MICAL3: variants seen among roughly 807,000 people sequenced by gnomAD.
MICAL3 encodes [F-actin]-monooxygenase MICAL3.
MICAL3 carries 62 observed loss-of-function variants against 207.4 expected under a neutral mutation model. The observed-to-expected ratio is 0.30, with a 90% CI of 0.24 to 0.37. The LOEUF is 0.37. Ranked by LOEUF, MICAL3 falls within the 10% of genes least tolerant of loss-of-function variation. The pLI, the probability that MICAL3 is intolerant of heterozygous loss-of-function variation, is 1.00. For missense variants in MICAL3, 2,368 were observed against 2,635.6 expected (o/e 0.90, Z 2.22); for synonymous variants, 1,077 against 1,069.3 (o/e 1.01, Z -0.14).
chr22:17,790,697 G>A lies in MICAL3; in HGVS notation c.*35C>T, dbSNP rs62238879. 0.22 allele frequency: 338,646 copies of A among 1,549,928 alleles called. 40,537 individuals carry two copies. The highest frequency in any genetic ancestry group is 0.25 in the Non-Finnish European group (286,537 of 1,144,230). ...TTTGGATGCCACTGCCTGGCCAGGC[G>A]GATGCCAACAGAAAATGGAGCGTTG... On this transcript the variant is annotated 3_prime_UTR_variant, in exon 32 of 32. Coordinates refer to ENST00000441493, the MANE Select transcript of MICAL3 (RefSeq NM_015241.3).
intron 1 of MICAL3, among the ~76,000 whole-genome samples, chr22:17,953,480 G>C (rs991279644): frequency 6.6e-6 from 1 of 152,088 alleles, no homozygotes; most frequent in Non-Finnish European, 1.5e-5. Context: ...TAAGGCCTGG[G>C]GGAATGTCCA....
chr22:17,842,250 T>C (rs1924093813), intron 19 of MICAL3: 1 of 567,228 alleles, frequency 1.8e-6, no homozygotes. Context: ...GAGCGTTCTC[T>C]CTCCTTCATC....
Position 17,902,806 on chromosome 22 carries a change from T to A in MICAL3, c.473-59A>T. ...ACATGGAGAAGGGGGTACCCATCCG[T>A]GTCGCAGCTCAGGCTCCCACCCCGC... On this transcript the variant is annotated intron_variant, in intron 3 of 31. Coordinates refer to ENST00000441493, the MANE Select transcript of MICAL3 (RefSeq NM_015241.3). The surrounding 1 kb of genome is among the most constrained non-coding windows in gnomAD (Gnocchi z 4.5). 1 of 1,098,328 alleles carries A rather than the reference T, an allele frequency of 9.1e-7. No homozygotes were observed. The highest frequency in any genetic ancestry group is 1.4e-5 in the South Asian group (1 of 71,852). 68.0% of individuals were successfully genotyped at this position (1,098,328 alleles called of 1,614,324 possible). A position where few individuals can be genotyped will look rare whatever the true frequency, so the allele number is the denominator to read the frequency against.
intron 23 of MICAL3, 29 bp downstream of exon 23, chr22:17,822,918 C>T (rs77681600): frequency 6.8e-7 from 1 of 1,475,566 alleles, no homozygotes; most frequent in Non-Finnish European, 9.5e-7. Context: ...TGAGCTCCCA[C>T]CACAGGGGCG....
chr22:17,824,642 G>A (rs527456749), intron 22 of MICAL3, among the ~76,000 whole-genome samples: 4 of 152,312 alleles, frequency 2.6e-5, no homozygotes, highest in African/African-American at 9.6e-5. Flanking sequence ...AGAGATAGGC[G>A]GGTTCCCAGA....
intron 18 of MICAL3, among the ~76,000 whole-genome samples, chr22:17,865,269 G>C (rs1289540423): frequency 6.6e-6 from 1 of 152,074 alleles, no homozygotes; most frequent in African/African-American, 2.4e-5. Context: ...GATCCACCTA[G>C]GTGCACCTCT....
At chr22:17,816,632 C>T (rs1921024333) in intron 27 of MICAL3, 58 bp downstream of exon 27, 1 of 1,369,980 alleles carries the variant, frequency 7.3e-7, no homozygotes. Flanking sequence ...CCCACCAAAG[C>T]CCAACAATGA....
chr22:17,863,920 G>A, intron 19 of MICAL3: 1 of 985,454 alleles, frequency 1.0e-6, no homozygotes, highest in Non-Finnish European at 1.2e-6. Context: ...ATAGCTGCTT[G>A]AGATACATGT....
chr22:17,795,007 G>A (rs780582830), intron 29 of MICAL3, among the ~76,000 whole-genome samples: 1 of 152,194 alleles, frequency 6.6e-6, no homozygotes, highest in African/African-American at 2.4e-5. Context: ...ACAAAGAGCT[G>A]GCTGAGAGGC....
At chr22:17,960,225 T>G (rs1166549623) in intron 1 of MICAL3, among the ~76,000 whole-genome samples, 1 of 152,206 alleles carries the variant, frequency 6.6e-6, no homozygotes, top group African/African-American at 2.4e-5. Context: ...CTCACTACAC[T>G]GTTGCTACGG....
intron 27 of MICAL3, chr22:17,815,701 G>C (rs1920974046): frequency 6.6e-6 from 1 of 152,408 alleles, no homozygotes; most frequent in African/African-American, 2.4e-5. Context: ...CTAGGAGAGG[G>C]GCCAAAGAGC....
At chr22:17,859,120 A>G (rs1257456024) in intron 19 of MICAL3, among the ~76,000 whole-genome samples, 1 of 152,132 alleles carries the variant, frequency 6.6e-6, no homozygotes, top group Non-Finnish European at 1.5e-5. Context: ...TCTCAGAACC[A>G]TCGAGGCTCT....
intron 19 of MICAL3, chr22:17,864,543 C>T (rs1181903151): frequency 6.9e-7 from 1 of 1,441,514 alleles, no homozygotes; most frequent in Non-Finnish European, 9.1e-7. Flanking sequence ...GTCTGAGCGC[C>T]TGCGAGCTCC....
At chr22:17,904,560 G>A (rs1236446304) in intron 3 of MICAL3, 72 bp downstream of exon 3, 10 of 1,143,654 alleles carry the variant, frequency 8.7e-6, no homozygotes, top group Non-Finnish European at 1.3e-5. Context: ...CAGCTAATCT[G>A]CCTGTCTCTT....
intron 1 of MICAL3, among the ~76,000 whole-genome samples, chr22:17,911,024 G>A (rs938299865): frequency 1.1e-5 from 1 of 94,396 alleles, no homozygotes. Context: ...TGGGGGCTGG[G>A]GGAGGAAGAG....
At chr22:18,008,240 A>C (rs1392488324) in intron 1 of MICAL3, among the ~76,000 whole-genome samples, 2 of 152,118 alleles carry the variant, frequency 1.3e-5, no homozygotes, top group African/African-American at 4.8e-5. Context: ...ACTCCACCTC[A>C]GAAAAAAAAA....
At chr22:17,982,974 C>G (rs1375755121) in intron 1 of MICAL3, among the ~76,000 whole-genome samples, 1 of 152,072 alleles carries the variant, frequency 6.6e-6, no homozygotes, top group African/African-American at 2.4e-5. Flanking sequence ...GGACAGAGTC[C>G]AAAAAGTACC....
chr22:17,998,849 G>T (rs890388113), intron 1 of MICAL3, among the ~76,000 whole-genome samples: 20 of 152,214 alleles, frequency 1.3e-4, no homozygotes, highest in African/African-American at 4.8e-4. Flanking sequence ...ACCGCGCCGG[G>T]CCCAGAGCAT....
Position 17,818,825 on chromosome 22 carries a change from G to A in MICAL3, c.3836C>T (p.Pro1279Leu). The stretch of plus-strand genomic sequence containing the variant: ...GGCCGGGGCAGGCTGGAAGCGTATG[G>A]GGGACTGGGTAGGGGATGGGACAGT... Reference protein sequence around the residue: ...EATVPSPTQSPIRFQPAPAKT... With the variant: ...EATVPSPTQSLIRFQPAPAKT... The change falls in exon 26 of 32, where the codon CCC becomes CTC. Residue 1279 changes from proline to leucine, a missense_variant. Physicochemically the swap from Pro to Leu is moderately conservative, Grantham distance 98 (BLOSUM62 -3). Coordinates refer to ENST00000441493, the MANE Select transcript of MICAL3 (RefSeq NM_015241.3). 3 of 1,560,758 alleles carry A rather than the reference G, an allele frequency of 1.9e-6. No homozygotes were observed. Among genetic ancestry groups the A allele is most frequent in the Non-Finnish European group, 2.6e-6 (3 of 1,149,554 alleles).
Sources: gnomAD v4.1 joint callset for allele counts (sites outside exome capture counted in the v4.1 genomes callset) on GRCh38, gnomAD v4.1.1 for gene constraint, Gnocchi (gnomAD v3.1) non-coding constraint, MANE v1.5 for transcripts, NCBI Gene and HGNC (gene_info 2026-07-23, HGNC 2026-07-21) for gene names.